The following FHAD1 variants were observed in gnomAD, a reference collection of about 807,000 sequenced individuals.
FHAD1 encodes forkhead associated phosphopeptide binding domain 1, also known as forkhead-associated domain-containing protein 1.
A neutral mutation model predicts 191.3 loss-of-function variants in FHAD1; 146 were observed. The ratio of observed to expected loss-of-function variants is 0.76; its 90% CI spans 0.67 to 0.88. The LOEUF is 0.88. Ranked by LOEUF, FHAD1 falls within the 40% of genes least tolerant of loss-of-function variation. FHAD1 has a pLI of 0.00. For missense variants in FHAD1, 1,635 were observed against 1,785.8 expected, an observed-to-expected ratio of 0.92 and a Z score of 1.52; for synonymous variants, 616 against 672.3, an observed-to-expected ratio of 0.92 and a Z score of 1.29.
chr1:15,258,881 G>A (rs1226758555), intron 2 of FHAD1, among the ~76,000 whole-genome samples: 1 of 151,998 alleles, frequency 6.6e-6, no homozygotes, highest in Non-Finnish European at 1.5e-5. Context: ...AGCCACCACC[G>A]ATATCTCTTC....
At position 15,341,726 on chromosome 1, in the gene FHAD1, C is replaced by T; in HGVS notation, c.1978-10C>T. ...CCCATCAGCATCGGTTTACTTTTCT[C>T]ACATTTCAGATCAAGTTCAACAGTT... On this transcript the variant is annotated splice_polypyrimidine_tract_variant and intron_variant, in intron 15 of 33. Coordinates refer to ENST00000688493, the MANE Select transcript of FHAD1 (RefSeq NM_001391957.1). 4 of 1,545,880 alleles carry T rather than the reference C, an allele frequency of 2.6e-6. No individual in the cohort carries two copies.
At chr1:15,241,622 G>A (rs1000383353) in intron 1 of FHAD1, among the ~76,000 whole-genome samples, 1 of 151,912 alleles carries the variant, frequency 6.6e-6, no homozygotes, top group Admixed American at 6.6e-5. Flanking sequence ...TCTACCCTGG[G>A]TGATAAGAGC....
rs1417473857 is a variant in FHAD1 at position 15,381,841 on chromosome 1, AT to A, written c.4023-185del. Among the ~76,000 whole-genome samples the A allele has an allele frequency of 6.6e-6, 1 of 151,604 alleles. No individual in the cohort carries two copies. The highest frequency in any genetic ancestry group is 6.6e-5 in the Admixed American group (1 of 15,200). Reference sequence around the variant, plus strand: ...TCCTTTATCCCCTCCCGCTACACACATTCGGCTGATGAATGGCTCGTTCTGC... The same window carrying A: ...TCCTTTATCCCCTCCCGCTACACACATCGGCTGATGAATGGCTCGTTCTGC... On this transcript the variant is annotated intron_variant, in intron 30 of 33. Transcript: ENST00000688493. This position sits in a 1 kb window ranked among gnomAD's most constrained non-coding sequence, Gnocchi z 4.6.
intron 23 of FHAD1, among the ~76,000 whole-genome samples, chr1:15,363,381 G>A (rs1695434900): frequency 6.6e-6 from 1 of 152,158 alleles, no homozygotes; most frequent in African/African-American, 2.4e-5. Flanking sequence ...CCACATTGGG[G>A]GTTAAGTTTC....
intron 28 of FHAD1, among the ~76,000 whole-genome samples, chr1:15,378,031 C>T (rs1330052012): frequency 1.3e-5 from 2 of 151,994 alleles, no homozygotes; most frequent in African/African-American, 4.8e-5. Flanking sequence ...AGGCCAGGCA[C>T]GGTGGCTCAC....
At chr1:15,393,430 G>GCGCA (rs148170141) in intron 33 of FHAD1, among the ~76,000 whole-genome samples, 5 of 146,742 alleles carry the variant, frequency 3.4e-5, no homozygotes, top group East Asian at 2.0e-4. Context: ...ACACACACAC[G>GCGCA]CACACACACA....
intron 5 of FHAD1, among the ~76,000 whole-genome samples, chr1:15,299,067 G>C (rs1415920988): frequency 1.3e-5 from 2 of 151,358 alleles, no homozygotes; most frequent in Non-Finnish European, 2.9e-5. Context: ...ACCCATAGTG[G>C]AACTTGCCTA....
intron 2 of FHAD1, among the ~76,000 whole-genome samples, chr1:15,269,157 A>C (rs1006944215): frequency 2.0e-5 from 3 of 151,880 alleles, no homozygotes; most frequent in Non-Finnish European, 2.9e-5. Context: ...ATTGTCTTCA[A>C]TTTCATTCAT....
intron 2 of FHAD1, among the ~76,000 whole-genome samples, chr1:15,264,177 A>G (rs1230623078): frequency 1.3e-5 from 2 of 152,178 alleles, no homozygotes; most frequent in East Asian, 1.9e-4. Context: ...AAAGAACACC[A>G]TTGGAATTTT....
Position 15,240,423 on chromosome 1 carries a change from G to A in FHAD1, c.-15+3662G>A, listed in dbSNP as rs190376363. On this transcript the variant is annotated intron_variant, in intron 1 of 33. Coordinates refer to the FHAD1 transcript ENST00000683790. ...GTGGGAGGATCGCTTGAGCCCGGGA[G>A]TTCAAGACAAGCCTGGGCAACATAG... is the stretch of plus-strand genomic sequence containing the variant. Among the ~76,000 whole-genome samples, 3 of 152,068 alleles carry A rather than the reference G, an allele frequency of 2.0e-5. No individual in the cohort carries two copies. In the East Asian group the frequency reaches 5.8e-4, roughly 29 times the overall value.
intron 4 of FHAD1, among the ~76,000 whole-genome samples, chr1:15,291,052 A>C (rs992174573): frequency 2.0e-5 from 3 of 151,678 alleles, no homozygotes; most frequent in Non-Finnish European, 4.4e-5. Flanking sequence ...CAAAGTAAAA[A>C]TAATTTTACA....
intron 2 of FHAD1, among the ~76,000 whole-genome samples, chr1:15,253,711 C>T (rs1036340117): frequency 6.6e-6 from 1 of 152,092 alleles, no homozygotes; most frequent in African/African-American, 2.4e-5. Flanking sequence ...GTTTTTTTGT[C>T]GCCTGCTTAG....
intron 3 of FHAD1, among the ~76,000 whole-genome samples, chr1:15,277,950 C>T (rs1246740441): frequency 1.3e-5 from 2 of 152,148 alleles, no homozygotes; most frequent in Admixed American, 6.5e-5. Flanking sequence ...TAAGAAGTAT[C>T]TGTTGTCATC....
chr1:15,280,140 G>A (rs1400374898), intron 3 of FHAD1, among the ~76,000 whole-genome samples: 1 of 152,142 alleles, frequency 6.6e-6, no homozygotes, highest in Admixed American at 6.5e-5. Flanking sequence ...TCATGGGACC[G>A]TTAAGTACTC....
At chr1:15,268,102 G>A (rs1345574257) in intron 2 of FHAD1, among the ~76,000 whole-genome samples, 10 of 149,502 alleles carry the variant, frequency 6.7e-5, no homozygotes, top group African/African-American at 2.2e-4. Context: ...CCATTAACTC[G>A]TCATTTAGCA....
At chr1:15,360,245 T>C (rs868586860) in intron 21 of FHAD1, among the ~76,000 whole-genome samples, 3 of 152,134 alleles carry the variant, frequency 2.0e-5, no homozygotes, top group Middle Eastern at 3.4e-3. Context: ...TCCTGATAGG[T>C]AGTCAGGGAG....
intron 17 of FHAD1, 93 bp from the exon 18 acceptor site, chr1:15,345,323 G>A: frequency 7.3e-7 from 1 of 1,377,332 alleles, no homozygotes; most frequent in Middle Eastern, 1.8e-4. Context: ...GGGAGGTGTA[G>A]TCTGGAGGGA....
intron 1 of FHAD1, among the ~76,000 whole-genome samples, chr1:15,249,469 T>A (rs1303350410): frequency 6.6e-6 from 1 of 152,132 alleles, no homozygotes; most frequent in Admixed American, 6.5e-5. Flanking sequence ...CTCAGGCAAT[T>A]TGAGGGCAAC....
chr1:15,347,948 C>T (rs749728748), intron 18 of FHAD1, among the ~76,000 whole-genome samples: 6 of 152,176 alleles, frequency 3.9e-5, no homozygotes, highest in Admixed American at 1.3e-4. Flanking sequence ...GTACCTGTCC[C>T]GACTGCAGAG....
Sources: allele counts gnomAD v4.1 joint callset (sites outside exome capture counted in the v4.1 genomes callset), GRCh38; gene constraint gnomAD v4.1.1; non-coding constraint Gnocchi (gnomAD v3.1); transcripts MANE v1.5; gene names NCBI Gene and HGNC (gene_info 2026-07-23, HGNC 2026-07-21).